ACCSL: variants seen among roughly 807,000 people sequenced by gnomAD.
ACCSL encodes 1-aminocyclopropane-1-carboxylate synthase homolog (inactive) like.
ACCSL carries 55 observed loss-of-function variants against 61.7 expected under a neutral mutation model. That is an observed-to-expected ratio of 0.89 (90% CI 0.72 to 1.12). The LOEUF (loss-of-function observed/expected upper bound fraction) is 1.12. Among genes scored for constraint, ACCSL ranks in the 50% most tolerant of loss-of-function variants. The pLI is 0.00. For missense variants in ACCSL, 632 were observed against 698.0 expected, an observed-to-expected ratio of 0.91 and a Z score of 1.07; for synonymous variants, 258 against 264.3, an observed-to-expected ratio of 0.98 and a Z score of 0.23.
intron 3 of ACCSL, 82 bp downstream of exon 3, chr11:44,050,704 C>G: frequency 7.3e-7 from 1 of 1,366,106 alleles, no homozygotes; most frequent in Non-Finnish European, 1.0e-6. Context: ...GCACCAAATT[C>G]CTGGTTGGTT....
At chr11:43,962,247 A>T in the ACCSL span, among the ~76,000 whole-genome samples, 2 of 152,228 alleles carry the variant, frequency 1.3e-5, no homozygotes, top group South Asian at 2.1e-4. Flanking sequence ...CATAGGCTGG[A>T]AATCTACGGA....
chr11:44,039,805 G>A, the ACCSL span, among the ~76,000 whole-genome samples: 1 of 152,210 alleles, frequency 6.6e-6, no homozygotes, highest in Admixed American at 6.5e-5. Flanking sequence ...TGGGGCTACA[G>A]GCTGCCTTGG....
the ACCSL span, among the ~76,000 whole-genome samples, chr11:43,990,367 A>C: frequency 6.6e-6 from 1 of 152,164 alleles, no homozygotes; most frequent in Non-Finnish European, 1.5e-5. Flanking sequence ...AAACAGATTT[A>C]GTGTCTGGTA....
At chr11:43,971,499 C>T in the ACCSL span, 2 of 152,216 alleles carry the variant, frequency 1.3e-5, no homozygotes, top group African/African-American at 4.8e-5. Context: ...CCCCAGGCAA[C>T]AAGCAATGGA....
At chr11:44,055,408 C>A in intron 9 of ACCSL, 117 bp downstream of exon 9, 1 of 664,752 alleles carries the variant, frequency 1.5e-6, no homozygotes. Flanking sequence ...TAACTGCCCA[C>A]AGGGCCTGTG....
At position 44,055,973 on chromosome 11, in the gene ACCSL, C is replaced by T. The variant is rs1015097965; in HGVS notation, c.1140-67C>T. The T allele has an allele frequency of 2.5e-6, 4 of 1,591,648 alleles. No homozygotes were observed. The African/African-American group carries it at 5.4e-5, about 21-fold the overall frequency. ...ACCAACCTCAAATCTACTTTCCCCT[C>T]TTATACCCCAAATCTTCATCAACTA... is the stretch of plus-strand genomic sequence containing the variant. On this transcript the variant is annotated intron_variant, in intron 9 of 13. Transcript: ENST00000378832.
chr11:44,028,965 C>A, the ACCSL span, among the ~76,000 whole-genome samples: 5 of 152,168 alleles, frequency 3.3e-5, no homozygotes, highest in East Asian at 1.9e-4. Context: ...GTGTGGTGAT[C>A]CTGTAGGCTT....
At chr11:43,925,156 C>T in the ACCSL span, 1 of 281,958 alleles carries the variant, frequency 3.5e-6, no homozygotes, top group Non-Finnish European at 7.3e-6. Context: ...GTGCCCTCCT[C>T]CAGGCTTCTC....
the ACCSL span, among the ~76,000 whole-genome samples, chr11:43,927,549 G>GA: frequency 6.6e-6 from 1 of 152,346 alleles, no homozygotes; most frequent in South Asian, 2.1e-4. Context: ...CAGTTAAACG[G>GA]AGGCACAGCT....
At chr11:43,982,172 CAG>C in the ACCSL span, among the ~76,000 whole-genome samples, 1 of 150,848 alleles carries the variant, frequency 6.6e-6, no homozygotes, top group South Asian at 2.1e-4. Flanking sequence ...TCATCTCCCT[CAG>C]AGGTGGTCCC....
At chr11:43,922,214 G>A in the ACCSL span, 3 of 152,182 alleles carry the variant, frequency 2.0e-5, no homozygotes, top group Non-Finnish European at 4.4e-5. Flanking sequence ...TTCCCACAGC[G>A]CTGCAAGAGA....
At chr11:43,961,709 C>A in the ACCSL span, among the ~76,000 whole-genome samples, 2 of 151,854 alleles carry the variant, frequency 1.3e-5, no homozygotes, top group African/African-American at 4.8e-5. Context: ...TGTTCTCTCT[C>A]TCTCTCTTTC....
chr11:43,958,904 T>C, the ACCSL span, among the ~76,000 whole-genome samples: 9,975 of 152,204 alleles, frequency 0.066, 350 homozygotes, highest in South Asian at 0.1. Context: ...TTCTCAAGTA[T>C]CTGGTGAGGT....
chr11:43,960,496 C>T, the ACCSL span, among the ~76,000 whole-genome samples: 1 of 151,968 alleles, frequency 6.6e-6, no homozygotes, highest in Non-Finnish European at 1.5e-5. Flanking sequence ...TCAAGTGATT[C>T]TCCTCAGCCT....
the ACCSL span, among the ~76,000 whole-genome samples, chr11:44,033,347 G>T: frequency 6.6e-6 from 1 of 152,108 alleles, no homozygotes; most frequent in South Asian, 2.1e-4. Flanking sequence ...CAAAAACTCC[G>T]TATCAGACCA....
chr11:43,943,501 A>T, the ACCSL span: 1 of 1,370,462 alleles, frequency 7.3e-7, no homozygotes, highest in Non-Finnish European at 9.7e-7. This position sits in a 1 kb window ranked among gnomAD's most constrained non-coding sequence, Gnocchi z 4.8. Flanking sequence ...TCGTCCTTGT[A>T]AATGTTTATT....
the ACCSL span, among the ~76,000 whole-genome samples, chr11:43,973,445 TC>T: frequency 6.6e-6 from 1 of 151,564 alleles, no homozygotes; most frequent in African/African-American, 2.4e-5. Flanking sequence ...TATCTATCTA[TC>T]TATCTATCTA....
chr11:44,035,802 G>C, the ACCSL span, among the ~76,000 whole-genome samples: 1 of 151,860 alleles, frequency 6.6e-6, no homozygotes, highest in Non-Finnish European at 1.5e-5. Context: ...GCCAGGCATG[G>C]TGCTGCATGC....
At chr11:44,050,407 A>G in intron 2 of ACCSL, 145 bp from the exon 3 acceptor site, 3 of 735,172 alleles carry the variant, frequency 4.1e-6, no homozygotes, top group South Asian at 1.7e-5. Context: ...GCCTCCATTC[A>G]TTAAGGAGCA....
Sources: allele counts gnomAD v4.1 joint callset (sites outside exome capture counted in the v4.1 genomes callset), GRCh38; gene constraint gnomAD v4.1.1; non-coding constraint Gnocchi (gnomAD v3.1); transcripts MANE v1.5; gene names NCBI Gene and HGNC (gene_info 2026-07-23, HGNC 2026-07-21).